The following NSMCE1 variants were observed in gnomAD, a reference collection of about 807,000 sequenced individuals.
NSMCE1 encodes non-structural maintenance of chromosomes element 1 homolog.
NSMCE1 carries 18 observed loss-of-function variants against 29.6 expected under a neutral mutation model. The observed-to-expected ratio is 0.61, with a 90% CI of 0.42 to 0.90. The LOEUF is 0.90. Among genes scored for constraint, NSMCE1 ranks in the 40% least tolerant of loss-of-function variants. The pLI, the probability that NSMCE1 is intolerant of heterozygous loss-of-function variation, is 0.00. For missense variants in NSMCE1, 314 were observed against 343.6 expected, an observed-to-expected ratio of 0.91 and a Z score of 0.68; for synonymous variants, 124 against 133.4, an observed-to-expected ratio of 0.93 and a Z score of 0.49.
intron 2 of NSMCE1, among the ~76,000 whole-genome samples, chr16:27,238,323 G>A (rs2083850345): frequency 6.6e-6 from 1 of 152,092 alleles, no homozygotes; most frequent in South Asian, 2.1e-4. Flanking sequence ...ACCCCTGGCT[G>A]GACCCCAGCC....
intron 2 of NSMCE1, among the ~76,000 whole-genome samples, chr16:27,244,677 C>G (rs1404472585): frequency 6.6e-6 from 1 of 152,258 alleles, no homozygotes; most frequent in Non-Finnish European, 1.5e-5. Flanking sequence ...TGAACAGAGG[C>G]CCTGGCCAAA....
At chr16:27,262,243 C>CAAAAAAAAA (rs34046376) in intron 1 of NSMCE1, among the ~76,000 whole-genome samples, 1 of 125,940 alleles carries the variant, frequency 7.9e-6, no homozygotes, top group Non-Finnish European at 1.7e-5. Flanking sequence ...GACTTCATCT[C>CAAAAAAAAA]AAAAAAAAAA....
At chr16:27,249,743 T>C (rs1259853612) in intron 2 of NSMCE1, among the ~76,000 whole-genome samples, 7 of 152,264 alleles carry the variant, frequency 4.6e-5, no homozygotes, top group Non-Finnish European at 7.3e-5. Context: ...TTGGCTCTTC[T>C]AGGTCCTTTA....
rs199533829 is a variant in NSMCE1, at chr16:27,225,203, C to G, written c.755G>C (p.Gly252Ala). The G allele has an allele frequency of 2.4e-5, 38 of 1,607,514 alleles. No homozygotes were observed. In the South Asian group the frequency reaches 4.1e-4, roughly 17 times the overall value. Residue 252 changes from glycine to alanine, a missense_variant, in exon 8 of 8, where the codon GGT (glycine) becomes GCT (alanine). Gly to Ala is a moderately conservative substitution (Grantham distance 60). Transcript: ENST00000361439. The part of the protein sequence containing the change: ...VFDPEKERES[G>A]VLKSNKKSLR... ...GGACTTTTTGTTCGATTTCAAGACA[C>G]CAGACTCCCTCTCCTTCTCAGGGTC...
intron 2 of NSMCE1, among the ~76,000 whole-genome samples, chr16:27,235,935 C>A (rs1206923170): frequency 1.3e-5 from 2 of 152,194 alleles, no homozygotes; most frequent in Non-Finnish European, 2.9e-5. Flanking sequence ...CGTCATGAAT[C>A]CACCCTCCAG....
At chr16:27,239,352 G>A (rs1474372226) in intron 2 of NSMCE1, among the ~76,000 whole-genome samples, 4 of 152,194 alleles carry the variant, frequency 2.6e-5, no homozygotes, top group Admixed American at 2.6e-4. Context: ...CCCTGGTGGA[G>A]AAGCTACAGT....
intron 2 of NSMCE1, among the ~76,000 whole-genome samples, chr16:27,249,838 A>C (rs2084003745): frequency 6.6e-6 from 1 of 152,248 alleles, no homozygotes; most frequent in Admixed American, 6.5e-5. Flanking sequence ...TTGAATCTAT[A>C]GATCAATTTG....
chr16:27,226,850 C>G lies in NSMCE1; in HGVS notation c.484-14G>C. 3.2e-6 allele frequency: 5 copies of G among 1,550,470 alleles called. No individual in the cohort carries two copies. The highest frequency in any genetic ancestry group is 4.5e-6 in the Non-Finnish European group (5 of 1,122,854). On this transcript the variant is annotated splice_polypyrimidine_tract_variant and intron_variant, in intron 5 of 7. Coordinates refer to ENST00000361439, the MANE Select transcript of NSMCE1 (RefSeq NM_145080.4). ...CTCCCCTTCCTTCTGCAGGGACACA[C>G]AGGAGGTGGCCACCCTCAGCCAGGC...
intron 1 of NSMCE1, among the ~76,000 whole-genome samples, chr16:27,261,166 C>CAAA (rs11420728): frequency 1.2e-4 from 12 of 98,070 alleles, no homozygotes; most frequent in South Asian, 3.5e-4. Context: ...GACTCCGTCT[C>CAAA]AAAAAAAAAA....
chr16:27,233,360 C>G (rs528871215), intron 4 of NSMCE1, among the ~76,000 whole-genome samples: 1 of 152,194 alleles, frequency 6.6e-6, no homozygotes, highest in African/African-American at 2.4e-5. Flanking sequence ...CTATAACATC[C>G]TCCCAAATAA....
chr16:27,252,028 C>T (rs895250430), intron 2 of NSMCE1, among the ~76,000 whole-genome samples: 1 of 152,224 alleles, frequency 6.6e-6, no homozygotes, highest in South Asian at 2.1e-4. Context: ...TTTCTAAAGG[C>T]ACTGAGCTGG....
intron 2 of NSMCE1, among the ~76,000 whole-genome samples, chr16:27,252,644 C>T (rs2084046575): frequency 6.6e-6 from 1 of 152,080 alleles, no homozygotes; most frequent in Non-Finnish European, 1.5e-5. Flanking sequence ...CTTAGCCGGG[C>T]GCGGTGGCTC....
intron 2 of NSMCE1, 93 bp downstream of exon 2, chr16:27,257,342 C>G: frequency 9.3e-7 from 1 of 1,078,432 alleles, no homozygotes; most frequent in Non-Finnish European, 1.3e-6. Flanking sequence ...CTCAGGAGTA[C>G]CGGTTAACAA....
intron 5 of NSMCE1, among the ~76,000 whole-genome samples, chr16:27,229,898 C>G (rs2083744680): frequency 6.6e-6 from 1 of 152,188 alleles, no homozygotes; most frequent in South Asian, 2.1e-4. Flanking sequence ...TTACTGAACA[C>G]CTGCTATGTG....
intron 2 of NSMCE1, among the ~76,000 whole-genome samples, chr16:27,238,912 C>T: frequency 6.6e-6 from 1 of 151,808 alleles, no homozygotes; most frequent in East Asian, 1.9e-4. Flanking sequence ...CTCCATTGCC[C>T]AGGCTGGAGT....
chr16:27,258,758 CT>C (rs1265671017), intron 1 of NSMCE1, among the ~76,000 whole-genome samples: 1 of 150,008 alleles, frequency 6.7e-6, no homozygotes, highest in African/African-American at 2.5e-5. Context: ...TTTTTTTTTT[CT>C]TTTTTTTCTG....
chr16:27,227,677 C>T (rs907265208), intron 5 of NSMCE1, among the ~76,000 whole-genome samples: 1 of 152,174 alleles, frequency 6.6e-6, no homozygotes, highest in African/African-American at 2.4e-5. Context: ...CAGGAGATGA[C>T]GTCACTGACG....
chr16:27,246,652 A>C (rs2141001242), intron 2 of NSMCE1, among the ~76,000 whole-genome samples: 1 of 152,104 alleles, frequency 6.6e-6, no homozygotes, highest in South Asian at 2.1e-4. Context: ...ACCAGGCCCG[A>C]CTAATTTTTT....
chr16:27,237,904 C>T (rs1447752685), intron 2 of NSMCE1, among the ~76,000 whole-genome samples: 3 of 152,154 alleles, frequency 2.0e-5, no homozygotes, highest in African/African-American at 7.2e-5. Flanking sequence ...TCGCTCACTG[C>T]ACACACCAGC....
Sources: gnomAD v4.1 joint callset for allele counts (sites outside exome capture counted in the v4.1 genomes callset) on GRCh38, gnomAD v4.1.1 for gene constraint, MANE v1.5 for transcripts, NCBI Gene and HGNC (gene_info 2026-07-23, HGNC 2026-07-21) for gene names.